BPTF: variants seen among roughly 807,000 people sequenced by gnomAD.
The protein encoded by BPTF is nucleosome-remodeling factor subunit BPTF.
BPTF carries 18 observed loss-of-function variants against 292.5 expected under a neutral mutation model. The ratio of observed to expected loss-of-function variants is 0.06; its 90% CI spans 0.04 to 0.09. BPTF has a LOEUF of 0.09. BPTF is among the 10% of genes least tolerant of loss of function. BPTF has a pLI of 1.00. For synonymous variants in BPTF, 1,225 were observed against 1,251.9 expected, an observed-to-expected ratio of 0.98 and a Z score of 0.45; for missense variants, 2,726 against 3,498.7, an observed-to-expected ratio of 0.78 and a Z score of 5.57.
intron 23 of BPTF, among the ~76,000 whole-genome samples, chr17:67,949,968 T>G (rs1244315819): frequency 7.0e-6 from 1 of 142,988 alleles, no homozygotes; most frequent in East Asian, 2.1e-4. Context: ...TGGGGAGAAT[T>G]GCTTGAACTA....
intron 23 of BPTF, among the ~76,000 whole-genome samples, chr17:67,957,585 T>C (rs1270271013): frequency 4.6e-5 from 7 of 152,128 alleles, no homozygotes; most frequent in Admixed American, 4.6e-4. Context: ...GAAATATTCT[T>C]ATGGCCGGGT....
intron 9 of BPTF, among the ~76,000 whole-genome samples, chr17:67,907,299 A>C (rs926154555): frequency 2.0e-4 from 29 of 148,614 alleles, no homozygotes; most frequent in African/African-American, 7.3e-4. Context: ...ATTTAAAACT[A>C]CACAAATACA....
intron 4 of BPTF, among the ~76,000 whole-genome samples, chr17:67,890,234 A>G (rs896626601): frequency 1.3e-5 from 2 of 152,232 alleles, no homozygotes; most frequent in Admixed American, 6.5e-5. Context: ...GACATACACT[A>G]TTGAGAAGTC....
At chr17:67,860,355 G>A (rs187853619) in intron 2 of BPTF, among the ~76,000 whole-genome samples, 12 of 152,106 alleles carry the variant, frequency 7.9e-5, no homozygotes, top group African/African-American at 2.2e-4. Context: ...GAATTTTCAC[G>A]CAGTTTATAG....
chr17:67,892,513 T>C lies in BPTF; in HGVS notation c.2055+479T>C, dbSNP rs148512501. Among the ~76,000 whole-genome samples, 315 of 152,292 alleles carry C rather than the reference T, an allele frequency of 2.1e-3. 1 individual carries two copies. Among genetic ancestry groups the C allele is most frequent in the African/African-American group, 7.2e-3 (298 of 41,558 alleles). ...GCATCCCAGCTCTGATCATGAACAA[T>C]GGGATCAGAGCTAGGACTCGGTATC... is the stretch of plus-strand genomic sequence containing the variant. On this transcript the variant is annotated intron_variant, in intron 5 of 27. Transcript: ENST00000306378.
chr17:67,894,996 A>T (rs2061347455), intron 7 of BPTF, among the ~76,000 whole-genome samples: 1 of 152,246 alleles, frequency 6.6e-6, no homozygotes, highest in South Asian at 2.1e-4. Flanking sequence ...ATGGTAAATA[A>T]TAGAATATTT....
chr17:67,861,333 A>G (rs887107633), intron 2 of BPTF, among the ~76,000 whole-genome samples: 4 of 137,960 alleles, frequency 2.9e-5, no homozygotes, highest in African/African-American at 1.1e-4. Context: ...ACCTTCCAAG[A>G]TTTTTTCTTT....
At position 67,975,871 on chromosome 17, in the gene BPTF, A is replaced by G; in HGVS notation, c.8639A>G (p.Tyr2880Cys). 6.2e-7 allele frequency: 1 copy of G among 1,614,088 alleles called. No homozygotes were observed. Among genetic ancestry groups the G allele is most frequent in the Non-Finnish European group, 8.5e-7 (1 of 1,179,982 alleles). The part of the protein sequence containing the change: ...MTKIFDNCRY[Y>C]NPSDSPFYQC... ...AAAATTTTTGATAACTGTCGTTACT[A>G]CAATCCAAGTGACTCCCCATTTTAC... Residue 2880 changes from tyrosine (Y) to cysteine (C), a missense_variant, in exon 27 of 28, where the codon TAC becomes TGC. Tyr to Cys is a radical substitution (Grantham distance 194). Coordinates refer to ENST00000306378, the MANE Select transcript of BPTF (RefSeq NM_182641.4).
chr17:67,868,887 A>T (rs1223996331), intron 3 of BPTF, among the ~76,000 whole-genome samples: 1 of 152,208 alleles, frequency 6.6e-6, no homozygotes, highest in African/African-American at 2.4e-5. Context: ...TTGTCTTCAG[A>T]AAAAAGCATT....
intron 26 of BPTF, among the ~76,000 whole-genome samples, chr17:67,971,827 CA>C (rs575119720): frequency 4.5e-3 from 379 of 83,346 alleles, no homozygotes; most frequent in African/African-American, 0.01. Context: ...GACTCCATCT[CA>C]AAAAAAAAAA....
At chr17:67,950,260 C>T (rs1374103053) in intron 23 of BPTF, among the ~76,000 whole-genome samples, 1 of 151,454 alleles carries the variant, frequency 6.6e-6, no homozygotes, top group Non-Finnish European at 1.5e-5. Context: ...GACTGTCCCC[C>T]CGCCCCCACC....
chr17:67,856,318 A>C (rs911853432), intron 2 of BPTF, among the ~76,000 whole-genome samples: 1 of 152,128 alleles, frequency 6.6e-6, no homozygotes, highest in African/African-American at 2.4e-5. Context: ...CCTTTAAAAA[A>C]AATAGTAAAA....
chr17:67,835,933 G>A (rs1289097924), intron 1 of BPTF, among the ~76,000 whole-genome samples: 1 of 152,058 alleles, frequency 6.6e-6, no homozygotes, highest in African/African-American at 2.4e-5. Context: ...CCAAAGTGCT[G>A]GGATTACAGG....
At chr17:67,828,862 A>G (rs892044755) in intron 1 of BPTF, among the ~76,000 whole-genome samples, 3 of 152,322 alleles carry the variant, frequency 2.0e-5, no homozygotes, top group South Asian at 4.1e-4. Context: ...ACTTGTGTCT[A>G]CTTGTCTTAT....
In BPTF at chr17:67,943,576, C is replaced by G. The variant is rs139474918; in HGVS notation, c.6478-574C>G. On this transcript the variant is annotated intron_variant, in intron 19 of 27. Coordinates refer to ENST00000306378, the MANE Select transcript of BPTF (RefSeq NM_182641.4). ...CCTAAGCTTTTTACAGTTTAGCACA[C>G]ACACACCCCATAGGTAATTTGGCAC... Among the ~76,000 whole-genome samples, 126 of 152,272 alleles carry G rather than the reference C, an allele frequency of 8.3e-4. 3 individuals carry two copies. The East Asian group carries it at 0.024, about 29-fold the overall frequency.
At chr17:67,873,992 C>CTGGATGGATGGATGGATGGATGGATGGA (rs34261763) in intron 3 of BPTF, among the ~76,000 whole-genome samples, 2 of 150,334 alleles carry the variant, frequency 1.3e-5, no homozygotes, top group African/African-American at 4.9e-5. Flanking sequence ...TAAGAAAATG[C>CTGGATGGATGGATGGATGGATGGATGGA]TGGATGGATG....
At chr17:67,938,028 G>A (rs2065064219) in intron 18 of BPTF, among the ~76,000 whole-genome samples, 1 of 152,180 alleles carries the variant, frequency 6.6e-6, no homozygotes, top group Non-Finnish European at 1.5e-5. Flanking sequence ...CAGGAGAATC[G>A]CTTGAACCCA....
chr17:67,852,452 C>T (rs1260241478), intron 1 of BPTF, among the ~76,000 whole-genome samples: 2 of 131,130 alleles, frequency 1.5e-5, no homozygotes, highest in East Asian at 6.3e-4. Flanking sequence ...ATCACTATCC[C>T]CTTGCCCTCC....
At chr17:67,839,826 G>C (rs752700468) in intron 1 of BPTF, among the ~76,000 whole-genome samples, 1 of 152,096 alleles carries the variant, frequency 6.6e-6, no homozygotes, top group African/African-American at 2.4e-5. Context: ...ATGATTTCTG[G>C]GTTGTATGTT....
Sources: allele counts gnomAD v4.1 joint callset (sites outside exome capture counted in the v4.1 genomes callset), GRCh38; gene constraint gnomAD v4.1.1; transcripts MANE v1.5; gene names NCBI Gene and HGNC (gene_info 2026-07-23, HGNC 2026-07-21).